Variants in PHLDB2 observed in about 807,000 individuals in gnomAD.
The protein encoded by PHLDB2 is pleckstrin homology like domain family B member 2.
A neutral mutation model predicts 123.6 loss-of-function variants in PHLDB2; 71 were observed. The observed-to-expected ratio is 0.57, with a 90% CI of 0.47 to 0.70. The LOEUF (loss-of-function observed/expected upper bound fraction) is 0.70, where lower values mean the gene tolerates loss of function less well. PHLDB2 is among the 30% of genes least tolerant of loss of function. The pLI is 0.00. For synonymous variants in PHLDB2, 547 were observed against 541.6 expected, an observed-to-expected ratio of 1.01 and a Z score of -0.14; for missense variants, 1,446 against 1,519.5, an observed-to-expected ratio of 0.95 and a Z score of 0.80.
At chr3:111,748,625 G>A (rs557505051) in intron 1 of PHLDB2, among the ~76,000 whole-genome samples, 4 of 152,104 alleles carry the variant, frequency 2.6e-5, no homozygotes, top group African/African-American at 4.8e-5. Flanking sequence ...GGGTTCGAGC[G>A]ATTCTCTTGC....
At chr3:111,774,797 A>G (rs558693037) in intron 1 of PHLDB2, among the ~76,000 whole-genome samples, 1 of 152,276 alleles carries the variant, frequency 6.6e-6, no homozygotes, top group South Asian at 2.1e-4. Context: ...AAATATTTTC[A>G]TGATCCAGCT....
rs541912930 is a variant in PHLDB2, at chr3:111,755,636, T to G, written c.-49+22933T>G. On this transcript the variant is annotated intron_variant, in intron 1 of 17. Transcript: ENST00000393923. ...TTCATTAATTGTTTGAAGGGTTTTT[T>G]GTGTCTCTATTTCCTTCAGTTCCGC... Among the ~76,000 whole-genome samples the G allele has an allele frequency of 8.1e-3, 1,177 of 144,568 alleles. 12 individuals are homozygous for G. Among genetic ancestry groups the G allele is most frequent in the African/African-American group, 0.029 (1,072 of 36,816 alleles). 94.8% of individuals were successfully genotyped at this position (144,568 alleles called of 152,430 possible).
chr3:111,800,214 C>G (rs1264692836), intron 1 of PHLDB2, among the ~76,000 whole-genome samples: 1 of 152,070 alleles, frequency 6.6e-6, no homozygotes, highest in African/African-American at 2.4e-5. Context: ...GCCATGTTTC[C>G]CCGGCTAGTG....
At chr3:111,883,992 T>C in intron 1 of PHLDB2, 72 bp from the exon 2 acceptor site, 5 of 1,382,574 alleles carry the variant, frequency 3.6e-6, no homozygotes, top group Non-Finnish European at 4.0e-6. Flanking sequence ...TTTGTTCAGA[T>C]GTAGGCCTAA....
intron 16 of PHLDB2, among the ~76,000 whole-genome samples, chr3:111,972,375 T>C (rs577991968): frequency 2.6e-5 from 4 of 152,298 alleles, no homozygotes; most frequent in Admixed American, 2.0e-4. Flanking sequence ...TGCAATTAAA[T>C]AGTTTTACTC....
chr3:111,772,500 G>T (rs981665852), intron 1 of PHLDB2, among the ~76,000 whole-genome samples: 16 of 152,066 alleles, frequency 1.1e-4, no homozygotes, highest in African/African-American at 3.9e-4. Context: ...TAACCCCAAA[G>T]CTGGAGGGCT....
intron 1 of PHLDB2, among the ~76,000 whole-genome samples, chr3:111,764,944 T>A (rs922232508): frequency 2.0e-5 from 3 of 152,146 alleles, no homozygotes; most frequent in Non-Finnish European, 4.4e-5. Context: ...CCAAGCGACA[T>A]CACCATGAAG....
intron 5 of PHLDB2, among the ~76,000 whole-genome samples, chr3:111,923,950 G>C (rs1172298842): frequency 6.6e-6 from 1 of 152,140 alleles, no homozygotes; most frequent in African/African-American, 2.4e-5. Flanking sequence ...GCATCACACT[G>C]TACTTGACTA....
chr3:111,904,539 A>T (rs1270282554), intron 2 of PHLDB2, among the ~76,000 whole-genome samples: 2 of 152,124 alleles, frequency 1.3e-5, no homozygotes, highest in African/African-American at 4.8e-5. Context: ...ATGAGTGGAG[A>T]TGGAAGTACT....
At chr3:111,896,902 G>A (rs371449819) in intron 2 of PHLDB2, among the ~76,000 whole-genome samples, 6 of 151,922 alleles carry the variant, frequency 3.9e-5, no homozygotes, top group African/African-American at 1.2e-4. Context: ...TTGAATAATC[G>A]GAGATTCACA....
At position 111,743,577 on chromosome 3, in the gene PHLDB2, T is replaced by A. The variant is rs190907364; in HGVS notation, c.-49+10874T>A. Among the ~76,000 whole-genome samples, 177 of 152,272 alleles carry A rather than the reference T, an allele frequency of 1.2e-3. 1 individual carries two copies. The highest frequency in any genetic ancestry group is 3.9e-3 in the African/African-American group (161 of 41,562). On this transcript the variant is annotated intron_variant, in intron 1 of 17. Coordinates refer to the PHLDB2 transcript ENST00000393923. Reference sequence around the variant, plus strand: ...TCTGATGTCAGCAGCTGGCACCAGGTAGGAAGCTCAAGGTTAAAGAATAAA... The same window carrying A: ...TCTGATGTCAGCAGCTGGCACCAGGAAGGAAGCTCAAGGTTAAAGAATAAA...
Position 111,884,320 on chromosome 3 carries a change from C to A in PHLDB2, c.243C>A (p.Ser81Arg). Residue 81 changes from serine (S) to arginine (R), a missense_variant, in exon 2 of 18, where the codon AGC (serine) becomes AGA (arginine). By Grantham distance (110) the Ser-to-Arg change is moderately radical. Transcript: ENST00000431670. ...CTCCTTTGGGAACCAGTGTCAGAAG[C>A]AGCCCCTCCTTAGCCAAAATCCAGG... Reference protein sequence around the residue: ...SPSPLGTSVRSSPSLAKIQGS... With the variant: ...SPSPLGTSVRRSPSLAKIQGS... 3 of 1,614,192 alleles carry A rather than the reference C, an allele frequency of 1.9e-6. No homozygotes were observed. The highest frequency in any genetic ancestry group is 2.5e-6 in the Non-Finnish European group (3 of 1,180,034).
intron 8 of PHLDB2, among the ~76,000 whole-genome samples, chr3:111,940,889 A>C (rs900937456): frequency 6.6e-6 from 1 of 152,222 alleles, no homozygotes; most frequent in South Asian, 2.1e-4. Flanking sequence ...AATCTTAACG[A>C]TGGAAAGTCT....
chr3:111,885,435 T>C, intron 2 of PHLDB2, 23 bp downstream of exon 2: 2 of 1,613,636 alleles, frequency 1.2e-6, no homozygotes, highest in Non-Finnish European at 8.5e-7. Flanking sequence ...TCAACAGTGA[T>C]TGACCTCACT....
chr3:111,866,581 C>T (rs1214972457), intron 1 of PHLDB2, among the ~76,000 whole-genome samples: 1 of 152,066 alleles, frequency 6.6e-6, no homozygotes, highest in Admixed American at 6.6e-5. Flanking sequence ...GGAGAGTTTC[C>T]CTCCCATACA....
chr3:111,960,714 AAG>A (rs2071353717), intron 12 of PHLDB2, among the ~76,000 whole-genome samples: 1 of 152,218 alleles, frequency 6.6e-6, no homozygotes, highest in African/African-American at 2.4e-5. Context: ...GCACACAAAA[AAG>A]AGGAAATTCA....
chr3:111,832,389 A>G, intron 1 of PHLDB2, among the ~76,000 whole-genome samples: 1 of 151,572 alleles, frequency 6.6e-6, no homozygotes, highest in Non-Finnish European at 1.5e-5. Context: ...AAAACAAAAA[A>G]CAAAAAAACA....
rs929112016 is a variant in PHLDB2 at position 111,975,936 on chromosome 3, T to C, written c.*1373T>C. 1 of 152,688 alleles carries C rather than the reference T, an allele frequency of 6.5e-6. No homozygotes were observed. The highest frequency in any genetic ancestry group is 1.5e-5 in the Non-Finnish European group (1 of 68,044). The allele number at this position is 152,688 out of a possible 1,614,324, so 9.5% of individuals were successfully genotyped here. A position where few individuals can be genotyped will look rare whatever the true frequency, so the allele number is the denominator to read the frequency against. ...ATTTGCAGTGTGGTTTGTATACACG[T>C]ATACGTGTTATCAATAATAAGATTT... On this transcript the variant is annotated 3_prime_UTR_variant, in exon 18 of 18. Transcript: ENST00000431670.
At chr3:111,821,945 C>T (rs1004353517) in intron 1 of PHLDB2, among the ~76,000 whole-genome samples, 9 of 152,198 alleles carry the variant, frequency 5.9e-5, no homozygotes, top group Non-Finnish European at 1.2e-4. Context: ...GCTTTATTTT[C>T]ATTCCAGGCT....
Sources: gnomAD v4.1 joint callset for allele counts (sites outside exome capture counted in the v4.1 genomes callset) on GRCh38, gnomAD v4.1.1 for gene constraint, MANE v1.5 for transcripts, NCBI Gene and HGNC (gene_info 2026-07-23, HGNC 2026-07-21) for gene names.